TMEM94: variants seen among roughly 807,000 people sequenced by gnomAD.
TMEM94 encodes the protein ER Mg2+ ATPase.
In TMEM94, 81 loss-of-function variants were observed where a neutral mutation model predicts 158.6. The observed-to-expected ratio is 0.51, with a 90% CI of 0.43 to 0.61. TMEM94 has a LOEUF of 0.61. Ranked by LOEUF, TMEM94 falls within the 20% of genes least tolerant of loss-of-function variation. The pLI is 0.00. For synonymous variants in TMEM94, 751 were observed against 730.7 expected (o/e 1.03, Z -0.45); for missense variants, 1,435 against 1,762.0 (o/e 0.81, Z 3.32).
rs1248174388 is a variant in TMEM94, at chr17:75,499,052, C to G, written c.3968C>G (p.Thr1323Ser). Residue 1323 changes from threonine to serine, a missense_variant, in exon 31 of 32, where the codon ACC becomes AGC. Coordinates refer to ENST00000314256, the MANE Select transcript of TMEM94 (RefSeq NM_014738.6). ...GCLSLVLVVVTNEIVKLHEIR... is the reference protein window; with the variant it reads ...GCLSLVLVVVSNEIVKLHEIR... ...CTGTCCCTGGTCCTTGTGGTGGTGA[C>G]CAATGAGATCGTGAAGCTACATGAG... The G allele has an allele frequency of 6.3e-7, 1 of 1,595,532 alleles. No individual in the cohort carries two copies. The highest frequency in any genetic ancestry group is 1.3e-5 in the African/African-American group (1 of 74,738).
chr17:75,490,198 G>C lies in TMEM94; in HGVS notation c.955-36G>C, dbSNP rs570093052. 8.7e-6 allele frequency: 14 copies of C among 1,612,730 alleles called. No homozygotes were observed. In the South Asian group the frequency reaches 9.9e-5, roughly 11 times the overall value. On this transcript the variant is annotated intron_variant, in intron 9 of 31. Transcript: ENST00000314256. ...CCCTTCCCTCCTCCCCAGGCCCGGAGCTCAGGAGCCATCTGTGTGGTCCGC... is the reference window on the plus strand; with the variant it reads ...CCCTTCCCTCCTCCCCAGGCCCGGACCTCAGGAGCCATCTGTGTGGTCCGC...
In TMEM94 at chr17:75,492,262, A is replaced by G; in HGVS notation, c.1597-212A>G. ...AGCTCCTGCCAGTGTCATGAGATAT[A>G]TTAATAGTCCATAGAAGCAGACAGG... On this transcript the variant is annotated intron_variant, in intron 14 of 31. Transcript: ENST00000314256. This position sits in a 1 kb window ranked among gnomAD's most constrained non-coding sequence, Gnocchi z 4.4. The G allele has an allele frequency of 1.4e-6, 2 of 1,425,556 alleles. No homozygotes were observed. The highest frequency in any genetic ancestry group is 1.8e-6 in the Non-Finnish European group (2 of 1,095,638). The allele number at this position is 1,425,556 out of a possible 1,614,324, so 88.3% of individuals were successfully genotyped here. A position where few individuals can be genotyped will look rare whatever the true frequency, so the allele number is the denominator to read the frequency against.
intron 2 of TMEM94, chr17:75,476,848 A>G: frequency 1.3e-6 from 2 of 1,485,158 alleles, no homozygotes; most frequent in Admixed American, 2.1e-5. Context: ...CCTGAAGACA[A>G]TGCAAAATGG....
In TMEM94 at chr17:75,493,471, G is replaced by T. The variant is rs756569961; in HGVS notation, c.2087-20G>T. ...AGGGGGCTGGTTAGCGACACTCAGG[G>T]TTTGAACTCTCTCCCCCAGGCACAG... is the stretch of plus-strand genomic sequence containing the variant. On this transcript the variant is annotated intron_variant, in intron 16 of 31. Transcript: ENST00000314256. 6.2e-7 allele frequency: 1 copy of T among 1,611,794 alleles called. No homozygotes were observed. The highest frequency in any genetic ancestry group is 1.3e-5 in the African/African-American group (1 of 74,888).
chr17:75,464,248 C>A (rs182893340), intron 1 of TMEM94, among the ~76,000 whole-genome samples: 3 of 152,238 alleles, frequency 2.0e-5, no homozygotes, highest in Admixed American at 1.3e-4. Context: ...CCTATAATTT[C>A]TTTCCTTTTC....
Position 75,485,703 on chromosome 17 carries a change from A to G in TMEM94, c.144+156A>G, listed in dbSNP as rs1427128641. On this transcript the variant is annotated intron_variant, in intron 3 of 31. Transcript: ENST00000314256. This position sits in a 1 kb window ranked among gnomAD's most constrained non-coding sequence, Gnocchi z 5.5. ...AGAAAGAAGCCAAGGTTCCCCTCAGAGTGGCTCCTGAGCCTGCTTGCTGCA... is the reference window on the plus strand; with the variant it reads ...AGAAAGAAGCCAAGGTTCCCCTCAGGGTGGCTCCTGAGCCTGCTTGCTGCA... The G allele has an allele frequency of 1.3e-5, 17 of 1,336,092 alleles. No homozygotes were observed. Among genetic ancestry groups the G allele is most frequent in the African/African-American group, 2.9e-5 (2 of 68,200 alleles). 82.8% of individuals were successfully genotyped at this position (1,336,092 alleles called of 1,614,324 possible). A position where few individuals can be genotyped will look rare whatever the true frequency, so the allele number is the denominator to read the frequency against.
chr17:75,459,230 A>C (rs2049991395), intron 1 of TMEM94, among the ~76,000 whole-genome samples: 1 of 152,180 alleles, frequency 6.6e-6, no homozygotes, highest in African/African-American at 2.4e-5. Context: ...GCAAACAGGG[A>C]AACTGGTGGA....
rs1245404619 is a variant in TMEM94, at chr17:75,493,757, G to A, written c.2248G>A (p.Ala750Thr). Residue 750 changes from alanine to threonine, a missense_variant, in exon 18 of 32, where the codon GCC becomes ACC. Ala to Thr is a moderately conservative substitution (Grantham distance 58, BLOSUM62 0). This residue lies in a region of TMEM94 where 1,051 missense variants were observed against 1,254.4 expected (regional missense o/e 0.84). Transcript: ENST00000314256. ...ACLSGYCSAF[A>T]YKPMNCALSS... is the part of the protein sequence containing the mutation. The stretch of plus-strand genomic sequence containing the variant: ...CCTGTCTGGGTATTGCTCTGCCTTC[G>A]CCTACAAGCCCATGAACTGCGCCCT... The A allele has an allele frequency of 5.6e-6, 9 of 1,613,964 alleles. No homozygotes were observed. The East Asian group carries it at 6.7e-5, about 12-fold the overall frequency.
chr17:75,461,913 CAA>C (rs558520484), intron 1 of TMEM94, among the ~76,000 whole-genome samples: 7 of 97,194 alleles, frequency 7.2e-5, no homozygotes, highest in Admixed American at 2.2e-4. Flanking sequence ...GACTCCGTCT[CAA>C]AAAAAAAAAA....
intron 2 of TMEM94, among the ~76,000 whole-genome samples, chr17:75,480,107 A>G (rs1209176700): frequency 6.6e-6 from 1 of 151,090 alleles, no homozygotes; most frequent in African/African-American, 2.4e-5. Flanking sequence ...AAAAAAAAAA[A>G]GAGAAAAAGA....
intron 1 of TMEM94, among the ~76,000 whole-genome samples, chr17:75,461,296 C>T (rs1403735660): frequency 6.6e-6 from 1 of 151,630 alleles, no homozygotes; most frequent in East Asian, 2.0e-4. Context: ...GCCGGGGTTT[C>T]GCCATGTTGG....
chr17:75,465,655 T>TATATATATATA (rs9302993), intron 1 of TMEM94, among the ~76,000 whole-genome samples: 2 of 98,844 alleles, frequency 2.0e-5, no homozygotes, highest in African/African-American at 5.3e-5. Flanking sequence ...ATAAGAATTT[T>TATATATATATA]TATATATATA....
At chr17:75,467,124 A>G (rs1053754796) in intron 1 of TMEM94, among the ~76,000 whole-genome samples, 3 of 151,172 alleles carry the variant, frequency 2.0e-5, no homozygotes, top group African/African-American at 7.3e-5. Context: ...ACAGGCACCC[A>G]AAACCACGCC....
intron 6 of TMEM94, 86 bp from the exon 7 acceptor site, chr17:75,488,673 G>A (rs1400075078): frequency 6.6e-7 from 1 of 1,512,010 alleles, no homozygotes; most frequent in Non-Finnish European, 9.1e-7. Flanking sequence ...TAACCCCAGC[G>A]AATGTCTGTA....
intron 25 of TMEM94, 121 bp from the exon 26 acceptor site, chr17:75,496,992 C>A: frequency 1.9e-6 from 2 of 1,049,094 alleles, no homozygotes; most frequent in East Asian, 2.4e-5. Flanking sequence ...CCTCCGGCCC[C>A]TGTTCCCTCT....
chr17:75,490,637 G>T (rs1462499438), intron 10 of TMEM94, 65 bp from the exon 11 acceptor site: 1 of 1,459,424 alleles, frequency 6.9e-7, no homozygotes, highest in South Asian at 1.2e-5. Context: ...CCCTCTGCCA[G>T]CTTGGAGAGG....
Position 75,494,677 on chromosome 17 carries a change from G to A in TMEM94, c.2458G>A (p.Gly820Ser), listed in dbSNP as rs199619000. Residue 820 changes from glycine to serine, a missense_variant, in exon 19 of 32, where the codon GGC (glycine) becomes AGC (serine). This residue lies in a region of TMEM94 where 1,051 missense variants were observed against 1,254.4 expected (regional missense o/e 0.84). Coordinates refer to ENST00000314256, the MANE Select transcript of TMEM94 (RefSeq NM_014738.6). ...GGAAGACTGCATGCAGGCCCTGAGCGGCCAGATCTTCATGGGCATGGTGTC... is the reference window on the plus strand; with the variant it reads ...GGAAGACTGCATGCAGGCCCTGAGCAGCCAGATCTTCATGGGCATGGTGTC... ...EKEDCMQALS[G>S]QIFMGMVSSQ... 3.1e-6 allele frequency: 5 copies of A among 1,613,746 alleles called. No individual in the cohort carries two copies. The South Asian group carries it at 3.3e-5, about 11-fold the overall frequency.
rs2052524119 is a variant in TMEM94 at position 75,494,740 on chromosome 17, A to G, written c.2521A>G (p.Ile841Val). 1 of 1,613,610 alleles carries G rather than the reference A, an allele frequency of 6.2e-7. No homozygotes were observed. Among genetic ancestry groups the G allele is most frequent in the Admixed American group, 1.7e-5 (1 of 60,008 alleles). ...GGCCCGGCTGGACATCGTGCGCCTC[A>G]TTGATGGGCTTGTCAACGCCTGCAT... ...YQARLDIVRL[I>V]DGLVNACIRF... Residue 841 changes from isoleucine (I) to valine (V), a missense_variant, in exon 19 of 32, where the codon ATT becomes GTT. Ile to Val is a conservative substitution (Grantham distance 29, BLOSUM62 3). Around this residue, in one of 3 missense-constraint regions of TMEM94, gnomAD observed 1,051 missense variants for 1,254.4 expected, o/e 0.84. Transcript: ENST00000314256.
intron 1 of TMEM94, among the ~76,000 whole-genome samples, chr17:75,458,255 AAG>A (rs1199342257): frequency 6.6e-6 from 1 of 152,154 alleles, no homozygotes; most frequent in Non-Finnish European, 1.5e-5. Flanking sequence ...AGAGCCATTG[AAG>A]AGAGAAGAAA....
Sources: gnomAD v4.1 joint callset for allele counts (sites outside exome capture counted in the v4.1 genomes callset) on GRCh38, gnomAD v4.1.1 for gene constraint, gnomAD v4.1.1 regional missense constraint, Gnocchi (gnomAD v3.1) non-coding constraint, MANE v1.5 for transcripts, NCBI Gene and HGNC (gene_info 2026-07-23, HGNC 2026-07-21) for gene names.